Variants in KIF3A observed in about 807,000 individuals in gnomAD.
KIF3A encodes the protein kinesin-like protein KIF3A.
In KIF3A, 27 loss-of-function variants were observed where a neutral mutation model predicts 92.6. The ratio of observed to expected loss-of-function variants is 0.29; its 90% confidence interval spans 0.21 to 0.40. The LOEUF is 0.40. Ranked by LOEUF, KIF3A falls within the 10% of genes least tolerant of loss-of-function variation. The pLI, the probability that KIF3A is intolerant of heterozygous loss-of-function variation, is 1.00. For missense variants in KIF3A, 581 were observed against 872.6 expected, an observed-to-expected ratio of 0.67 and a Z score of 4.21; for synonymous variants, 250 against 275.4, an observed-to-expected ratio of 0.91 and a Z score of 0.92.
downstream of KIF3A, among the ~76,000 whole-genome samples, chr5:132,691,719 A>C (rs1308082510): frequency 6.6e-6 from 1 of 151,648 alleles, no homozygotes; most frequent in South Asian, 2.1e-4. Context: ...CCTGAACAAC[A>C]TGGTGAAATT....
chr5:132,731,144 C>A (rs1276393670), intron 2 of KIF3A, among the ~76,000 whole-genome samples: 1 of 152,120 alleles, frequency 6.6e-6, no homozygotes, highest in African/African-American at 2.4e-5. Context: ...TTCTAGAAAA[C>A]TGAAAAGAAG....
rs1561708881 is a variant in KIF3A, at chr5:132,724,811, A to T, written c.510+1317T>A. ...GTATAATAAAAAAAAAAAAAAATAT[A>T]TATATATATATATATATATATATAT... On this transcript the variant is annotated intron_variant, in intron 4 of 18. Transcript: ENST00000403231. Among the ~76,000 whole-genome samples the T allele has an allele frequency of 5.4e-3, 61 of 11,224 alleles. 2 individuals carry two copies. The highest frequency in any genetic ancestry group is 0.013 in the African/African-American group (51 of 3,978). The allele number at this position is 11,224 out of a possible 152,430, so 7.4% of individuals were successfully genotyped here. A position where few individuals can be genotyped will look rare whatever the true frequency, so the allele number is the denominator to read the frequency against.
intron 2 of KIF3A, 108 bp from the exon 3 acceptor site, chr5:132,726,606 C>A: frequency 1.0e-6 from 1 of 972,576 alleles, no homozygotes; most frequent in Non-Finnish European, 1.6e-6. Flanking sequence ...CCCCTGGATT[C>A]AAAATTTATT....
At chr5:132,726,600 T>C (rs1581097128) in intron 2 of KIF3A, 102 bp from the exon 3 acceptor site, 1 of 1,045,744 alleles carries the variant, frequency 9.6e-7, no homozygotes, top group Non-Finnish European at 1.4e-6. Flanking sequence ...ATTTCTCCCC[T>C]GGATTCAAAA....
In KIF3A at chr5:132,695,672, A is replaced by T. The variant is rs1581057320; in HGVS notation, c.*962T>A. 1 of 1,598 alleles carries T rather than the reference A, an allele frequency of 6.3e-4. No homozygotes were observed. The highest frequency in any genetic ancestry group is 5.3e-3 in the South Asian group (1 of 190). The allele number at this position is 1,598 out of a possible 1,614,324, so 0.1% of individuals were successfully genotyped here. A position where few individuals can be genotyped will look rare whatever the true frequency, so the allele number is the denominator to read the frequency against. On this transcript the variant is annotated 3_prime_UTR_variant, in exon 19 of 19. Transcript: ENST00000403231. ...TATTTTTAAAATAGAAAAACAAAAT[A>T]AAAAAGTGTTTTAAAGGCAAAGTAT...
At position 132,737,422 on chromosome 5, in the gene KIF3A, T is replaced by TG. The variant is rs1205845636; in HGVS notation, c.-4dup. ...GAAGCGACTCTCCTCACCGGCATCT[T>TG]GGCCCCCTCCCGTGCCCGGCGGACG... On this transcript the variant is annotated 5_prime_UTR_variant, in exon 1 of 19. Coordinates refer to ENST00000403231, the MANE Select transcript of KIF3A (RefSeq NM_001300791.2). 6.2e-7 allele frequency: 1 copy of TG among 1,607,578 alleles called. No individual in the cohort carries two copies. The highest frequency in any genetic ancestry group is 1.3e-5 in the African/African-American group (1 of 74,438).
In KIF3A at chr5:132,734,290, A is replaced by G; in HGVS notation, c.195T>C (p.Thr65=). The G allele has an allele frequency of 6.2e-7, 1 of 1,614,126 alleles. No homozygotes were observed. Among genetic ancestry groups the G allele is most frequent in the South Asian group, 1.1e-5 (1 of 91,082 alleles). ...NEPPKTFTFD[T]VFGPESKQLD... ...GTTGTTTACTCTCTGGTCCAAAAAC[A>G]GTATCAAAAGTAAATGTCTTTGGAG... The change falls in exon 2 of 19, where the codon ACT becomes ACC. Residue 65 remains threonine (T), a synonymous_variant. Transcript: ENST00000403231.
rs1287449731 is a variant in KIF3A, at chr5:132,722,153, CT to C, written c.511-1440del. Among the ~76,000 whole-genome samples the C allele has an allele frequency of 1.4e-4, 21 of 152,310 alleles. No homozygotes were observed. In the East Asian group the frequency reaches 4.0e-3, roughly 29 times the overall value. On this transcript the variant is annotated intron_variant, in intron 4 of 18. Coordinates refer to ENST00000403231, the MANE Select transcript of KIF3A (RefSeq NM_001300791.2). ...AGACTGAAAATGGACATTCTTCAAACTGACATCTGTCTGCAAACTAGTGGTC... is the reference window on the plus strand; with the variant it reads ...AGACTGAAAATGGACATTCTTCAAACGACATCTGTCTGCAAACTAGTGGTC...
At position 132,734,426 on chromosome 5, in the gene KIF3A, C is replaced by A; in HGVS notation, c.59G>T (p.Arg20Met). Residue 20 changes from arginine (R) to methionine (M), a missense_variant, in exon 2 of 19, where the codon AGG becomes ATG. Coordinates refer to ENST00000403231, the MANE Select transcript of KIF3A (RefSeq NM_001300791.2). The part of the protein sequence containing the change: ...ESCDNVKVVV[R>M]CRPLNEREKS... ...CTCTCTCTCATTGAGGGGCCGGCAC[C>A]TAACAACAACCTTCACATTATCGCA... 1 of 1,614,076 alleles carries A rather than the reference C, an allele frequency of 6.2e-7. No homozygotes were observed. Among genetic ancestry groups the A allele is most frequent in the Non-Finnish European group, 8.5e-7 (1 of 1,180,000 alleles).
chr5:132,702,741 CATAA>C, intron 13 of KIF3A, 73 bp from the exon 14 acceptor site: 1 of 1,326,720 alleles, frequency 7.5e-7, no homozygotes, highest in Non-Finnish European at 1.1e-6. Flanking sequence ...TAACAAATGA[CATAA>C]ATGTTTAGCA....
chr5:132,718,315 T>C (rs927271085), intron 5 of KIF3A, among the ~76,000 whole-genome samples: 2 of 152,236 alleles, frequency 1.3e-5, no homozygotes, highest in African/African-American at 4.8e-5. Flanking sequence ...TGGGTTTTTT[T>C]GTTGTTTTGT....
intron 4 of KIF3A, among the ~76,000 whole-genome samples, chr5:132,722,766 C>T (rs1753867344): frequency 6.6e-6 from 1 of 152,170 alleles, no homozygotes. Flanking sequence ...GAGCTAGTCA[C>T]TATTGTAAAA....
chr5:132,736,641 A>C (rs1479353981), intron 1 of KIF3A: 1 of 333,206 alleles, frequency 3.0e-6, no homozygotes, highest in African/African-American at 2.2e-5. Context: ...CTTAAATGTC[A>C]AGCACTGTCC....
intron 4 of KIF3A, among the ~76,000 whole-genome samples, chr5:132,722,750 TACCA>T (rs1753866707): frequency 6.6e-6 from 1 of 152,202 alleles, no homozygotes; most frequent in Non-Finnish European, 1.5e-5. Context: ...CTCCAAACTC[TACCA>T]AGAGCTAGTC....
At chr5:132,724,804 AAAATATATATATATAT>A (rs1561708686) in intron 4 of KIF3A, among the ~76,000 whole-genome samples, 20 of 20,528 alleles carry the variant, frequency 9.7e-4, no homozygotes, top group African/African-American at 3.1e-3. Context: ...AAAAAAAAAA[AAAATATATATATATAT>A]ATATATATAT....
intron 18 of KIF3A, chr5:132,698,049 G>A (rs559873586): frequency 6.6e-6 from 1 of 152,250 alleles, no homozygotes; most frequent in Admixed American, 6.5e-5. Context: ...TCACCTAAAT[G>A]CTAAAGAATG....
intron 1 of KIF3A, among the ~76,000 whole-genome samples, chr5:132,735,051 T>C (rs1754345672): frequency 6.6e-6 from 1 of 152,198 alleles, no homozygotes. Context: ...AGCATTTGTA[T>C]ATGTAAAGTT....
At chr5:132,726,281 T>C in intron 3 of KIF3A, 69 bp from the exon 4 acceptor site, 2 of 1,569,026 alleles carry the variant, frequency 1.3e-6, no homozygotes, top group Non-Finnish European at 8.7e-7. Flanking sequence ...AATATGTTTA[T>C]AAAATTTATA....
chr5:132,737,299 TGCCCC>T, intron 1 of KIF3A, 110 bp downstream of exon 1: 1 of 1,227,514 alleles, frequency 8.1e-7, no homozygotes. Flanking sequence ...CGACCGAGCC[TGCCCC>T]GCCCCACCCA....
Sources: allele counts gnomAD v4.1 joint callset (sites outside exome capture counted in the v4.1 genomes callset), GRCh38; gene constraint gnomAD v4.1.1; transcripts MANE v1.5; gene names NCBI Gene and HGNC (gene_info 2026-07-23, HGNC 2026-07-21).